Variants in USP6NL observed in about 807,000 individuals in gnomAD.
USP6NL encodes USP6 N-terminal like.
In USP6NL, 26 loss-of-function variants were observed where a neutral mutation model predicts 61.9. The observed-to-expected ratio is 0.42, with a 90% CI of 0.31 to 0.58. USP6NL has a LOEUF of 0.58. Among genes scored for constraint, USP6NL ranks in the 20% least tolerant of loss-of-function variants. The pLI is 0.16. For missense variants in USP6NL, 1,114 were observed against 1,034.3 expected (o/e 1.08, Z -1.06); for synonymous variants, 432 against 390.1 (o/e 1.11, Z -1.27).
chr10:11,565,965 T>TAA (rs1380125153), intron 2 of USP6NL, among the ~76,000 whole-genome samples: 2 of 152,216 alleles, frequency 1.3e-5, no homozygotes, highest in Non-Finnish European at 2.9e-5. Flanking sequence ...GCATTTATCA[T>TAA]ATGCACAGAT....
intron 5 of USP6NL, among the ~76,000 whole-genome samples, chr10:11,517,952 C>T (rs557799163): frequency 1.1e-4 from 16 of 152,172 alleles, no homozygotes; most frequent in South Asian, 2.1e-4. Flanking sequence ...CTACTTCAAA[C>T]GCATGCCTGG....
chr10:11,467,250 T>A (rs902633677), intron 14 of USP6NL, among the ~76,000 whole-genome samples: 2 of 152,068 alleles, frequency 1.3e-5, no homozygotes, highest in African/African-American at 4.8e-5. Context: ...ATAGAAAAAT[T>A]AAATAAAGAA....
At position 11,491,091 on chromosome 10, in the gene USP6NL, C is replaced by A. The variant is rs1384064034; in HGVS notation, c.495-211G>T. 5.9e-5 allele frequency among the ~76,000 whole-genome samples: 9 copies of A among 152,160 alleles called. No homozygotes were observed. Among genetic ancestry groups the A allele is most frequent in the Non-Finnish European group, 1.0e-4 (7 of 67,984 alleles). ...ATATTCATTCTGAAAGGATTTATAC[C>A]AAGAAAACACAAAACACTTCAAAAT... On this transcript the variant is annotated intron_variant, in intron 8 of 14. Coordinates refer to ENST00000609104, the MANE Select transcript of USP6NL (RefSeq NM_014688.5). The surrounding 1 kb of genome is among the most constrained non-coding windows in gnomAD (Gnocchi z 4.7).
intron 4 of USP6NL, among the ~76,000 whole-genome samples, chr10:11,521,919 C>CT (rs1270569016): frequency 6.6e-6 from 1 of 152,196 alleles, no homozygotes; most frequent in African/African-American, 2.4e-5. Context: ...ACCAAACATT[C>CT]TTTGTTAAGT....
At chr10:11,473,230 A>T (rs942492657) in intron 14 of USP6NL, among the ~76,000 whole-genome samples, 1 of 152,224 alleles carries the variant, frequency 6.6e-6, no homozygotes, top group Non-Finnish European at 1.5e-5. Flanking sequence ...CATTTATTCA[A>T]TAAAAGTAAC....
At chr10:11,526,042 C>G (rs1028609900) in intron 3 of USP6NL, among the ~76,000 whole-genome samples, 1 of 151,144 alleles carries the variant, frequency 6.6e-6, no homozygotes, top group African/African-American at 2.4e-5. Context: ...GTCAGTGTCG[C>G]TCACTCCCTC....
rs57177555 is a variant in USP6NL at position 11,460,624 on chromosome 10, CATATATATATATATATAT to C, written c.*1799_*1816del. On this transcript the variant is annotated 3_prime_UTR_variant, in exon 15 of 15. Transcript: ENST00000609104. ...CTTGTGTGTATATATATATTTTTTG[CATATATATATATATATAT>C]ATATATATATATAAAAATCTACAGT... 8.7e-5 allele frequency: 11 copies of C among 126,660 alleles called. No homozygotes were observed. Among genetic ancestry groups the C allele is most frequent in the African/African-American group, 2.8e-4 (10 of 35,570 alleles). 7.8% of individuals were successfully genotyped at this position (126,660 alleles called of 1,614,324 possible). A position where few individuals can be genotyped will look rare whatever the true frequency, so the allele number is the denominator to read the frequency against.
In USP6NL at chr10:11,592,291, TCA is replaced by T. The variant is rs959720560; in HGVS notation, c.4+5338_4+5339del. On this transcript the variant is annotated intron_variant, in intron 2 of 14. Coordinates refer to ENST00000609104, the MANE Select transcript of USP6NL (RefSeq NM_014688.5). This position sits in a 1 kb window ranked among gnomAD's most constrained non-coding sequence, Gnocchi z 4.7. Reference sequence around the variant, plus strand: ...GAAGTACACTAAACTAAGAAAGTAATCACACAAATTTTCTGAGAAGCAATTTC... The same window carrying T: ...GAAGTACACTAAACTAAGAAAGTAATCACAAATTTTCTGAGAAGCAATTTC... Among the ~76,000 whole-genome samples, 1 of 152,186 alleles carries T rather than the reference TCA, an allele frequency of 6.6e-6. No homozygotes were observed. The highest frequency in any genetic ancestry group is 1.5e-5 in the Non-Finnish European group (1 of 68,044).
At chr10:11,484,299 G>GA (rs748413824) in intron 13 of USP6NL, among the ~76,000 whole-genome samples, 15 of 151,180 alleles carry the variant, frequency 9.9e-5, no homozygotes, top group African/African-American at 1.9e-4. Flanking sequence ...GGTTCTTCAT[G>GA]AAAAAAAATC....
At chr10:11,492,997 G>T in intron 8 of USP6NL, 122 bp downstream of exon 8, 1 of 777,350 alleles carries the variant, frequency 1.3e-6, no homozygotes, top group Non-Finnish European at 2.0e-6. Flanking sequence ...CAAATGATCT[G>T]CAAAAGCTTA....
At chr10:11,516,560 G>A (rs1834965909) in intron 5 of USP6NL, among the ~76,000 whole-genome samples, 1 of 152,102 alleles carries the variant, frequency 6.6e-6, no homozygotes, top group Non-Finnish European at 1.5e-5. Context: ...ATGTGGCTAA[G>A]TTCTCATTCC....
intron 1 of USP6NL, among the ~76,000 whole-genome samples, chr10:11,607,802 T>C (rs1838758173): frequency 1.3e-5 from 2 of 152,244 alleles, no homozygotes. Flanking sequence ...ATTTAGTTCA[T>C]TTAAAATGTT....
intron 2 of USP6NL, among the ~76,000 whole-genome samples, chr10:11,535,150 G>T (rs1835784664): frequency 6.6e-6 from 1 of 152,158 alleles, no homozygotes; most frequent in Non-Finnish European, 1.5e-5. Context: ...ACCATTTCTG[G>T]GGGAAGAGGC....
intron 6 of USP6NL, among the ~76,000 whole-genome samples, chr10:11,507,015 A>G (rs1297235746): frequency 6.6e-6 from 1 of 152,228 alleles, no homozygotes. Flanking sequence ...TCATCAAATG[A>G]TTCTAGCATT....
In USP6NL at chr10:11,573,045, T is replaced by A. The variant is rs527310034; in HGVS notation, c.4+24586A>T. Among the ~76,000 whole-genome samples the A allele has an allele frequency of 4.6e-5, 7 of 152,270 alleles. No homozygotes were observed. The South Asian group carries it at 1.4e-3, about 32-fold the overall frequency. ...ACACGCTATGAATATAAGACTGTTT[T>A]TAATATAATTAACATTGACTAAACA... On this transcript the variant is annotated intron_variant, in intron 2 of 14. Coordinates refer to ENST00000609104, the MANE Select transcript of USP6NL (RefSeq NM_014688.5).
At position 11,537,751 on chromosome 10, in the gene USP6NL, T is replaced by C. The variant is rs1403172665; in HGVS notation, c.5-10184A>G. Among the ~76,000 whole-genome samples the C allele has an allele frequency of 1.3e-5, 2 of 152,200 alleles. No individual in the cohort carries two copies. Among genetic ancestry groups the C allele is most frequent in the Non-Finnish European group, 2.9e-5 (2 of 68,034 alleles). ...CCTCCCCTTTCCCTATGGTGAGCAC[T>C]GCCGGGGTGGAAGGACCAGGCACAC... On this transcript the variant is annotated intron_variant, in intron 2 of 14. Coordinates refer to ENST00000609104, the MANE Select transcript of USP6NL (RefSeq NM_014688.5). The surrounding 1 kb of genome is among the most constrained non-coding windows in gnomAD (Gnocchi z 5.1).
chr10:11,599,831 T>C (rs1043827295), intron 1 of USP6NL, among the ~76,000 whole-genome samples: 2 of 151,896 alleles, frequency 1.3e-5, no homozygotes, highest in African/African-American at 4.8e-5. Flanking sequence ...GGCTAATTTT[T>C]TGTATTTTTC....
At chr10:11,583,798 C>T (rs578253048) in intron 2 of USP6NL, among the ~76,000 whole-genome samples, 29 of 152,226 alleles carry the variant, frequency 1.9e-4, no homozygotes, top group Admixed American at 1.4e-3. Context: ...GAGGCTGAGG[C>T]GGACAGATCA....
Position 11,463,189 on chromosome 10 carries a change from G to A in USP6NL, c.1739C>T (p.Ala580Val), listed in dbSNP as rs577600663. 1.1e-5 allele frequency: 18 copies of A among 1,613,566 alleles called. No homozygotes were observed. In the South Asian group the frequency reaches 1.8e-4, roughly 16 times the overall value. Residue 580 changes from alanine to valine, a missense_variant, in exon 15 of 15, where the codon GCC becomes GTC. Coordinates refer to ENST00000609104, the MANE Select transcript of USP6NL (RefSeq NM_014688.5). This position sits in a 1 kb window ranked among gnomAD's most constrained non-coding sequence, Gnocchi z 6.3. ...CTTTCTCGGGCTAGGAGGGTAAAGG[G>A]CATGCCGGGGGCTCTGGGAGTAAGC... ...ERAYSQSPRH[A>V]LYPPSPRKHA...
Sources: allele counts gnomAD v4.1 joint callset (sites outside exome capture counted in the v4.1 genomes callset), GRCh38; gene constraint gnomAD v4.1.1; non-coding constraint Gnocchi (gnomAD v3.1); transcripts MANE v1.5; gene names NCBI Gene and HGNC (gene_info 2026-07-23, HGNC 2026-07-21).